PEX14: variants seen among roughly 807,000 people sequenced by gnomAD.
PEX14 encodes peroxisomal membrane protein PEX14.
A neutral mutation model predicts 49.5 loss-of-function variants in PEX14; 15 were observed. The observed-to-expected ratio is 0.30, with a 90% CI of 0.20 to 0.47. The LOEUF (loss-of-function observed/expected upper bound fraction) is 0.47. Among genes scored for constraint, PEX14 ranks in the 20% least tolerant of loss-of-function variants. PEX14 has a pLI of 1.00. For missense variants in PEX14, 398 were observed against 494.8 expected, an observed-to-expected ratio of 0.80 and a Z score of 1.86; for synonymous variants, 210 against 212.7, an observed-to-expected ratio of 0.99 and a Z score of 0.11.
chr1:10,593,822 A>G (rs1265951224), intron 3 of PEX14, among the ~76,000 whole-genome samples: 1 of 152,200 alleles, frequency 6.6e-6, no homozygotes, highest in African/African-American at 2.4e-5. Context: ...GTTGGCTTAA[A>G]TTTGCAGTTT....
intron 1 of PEX14, among the ~76,000 whole-genome samples, chr1:10,487,611 A>G (rs752085714): frequency 1.5e-4 from 23 of 149,654 alleles, no homozygotes; most frequent in Non-Finnish European, 3.3e-4. Flanking sequence ...CAGCCTCCCA[A>G]GTATCTGGGA....
chr1:10,537,699 C>T (rs1255938788), intron 3 of PEX14, among the ~76,000 whole-genome samples: 1 of 152,148 alleles, frequency 6.6e-6, no homozygotes, highest in Non-Finnish European at 1.5e-5. Flanking sequence ...GTTAGAATTT[C>T]ATTTGCAGAA....
chr1:10,504,075 T>C (rs905123589), intron 2 of PEX14, among the ~76,000 whole-genome samples: 2 of 152,160 alleles, frequency 1.3e-5, no homozygotes, highest in East Asian at 3.8e-4. Context: ...TTTAGCTCAT[T>C]GTCAAACCAC....
intron 3 of PEX14, among the ~76,000 whole-genome samples, chr1:10,537,483 A>G (rs1348400193): frequency 2.0e-5 from 3 of 152,126 alleles, no homozygotes; most frequent in Non-Finnish European, 4.4e-5. Flanking sequence ...ATAAAAGCTT[A>G]GGGATTTCAG....
At chr1:10,546,549 G>C (rs1639177334) in intron 3 of PEX14, among the ~76,000 whole-genome samples, 1 of 128,382 alleles carries the variant, frequency 7.8e-6, no homozygotes. Flanking sequence ...GGGTGACAGA[G>C]CGAGACTCTG....
At chr1:10,481,117 CTT>C (rs577625301) in intron 1 of PEX14, among the ~76,000 whole-genome samples, 4 of 141,344 alleles carry the variant, frequency 2.8e-5, no homozygotes, top group African/African-American at 5.2e-5. Flanking sequence ...TCTCTTTAGT[CTT>C]TTTTTTTTTT....
At chr1:10,475,094 G>A in intron 1 of PEX14, 92 bp downstream of exon 1, 1 of 1,288,514 alleles carries the variant, frequency 7.8e-7, no homozygotes, top group Non-Finnish European at 1.1e-6. Flanking sequence ...GGGACCCCGA[G>A]TCTCCGAAGC....
chr1:10,628,225 G>T lies in PEX14; in HGVS notation c.677+862G>T, dbSNP rs550894018. On this transcript the variant is annotated intron_variant, in intron 8 of 8. Coordinates refer to ENST00000356607, the MANE Select transcript of PEX14 (RefSeq NM_004565.3). The surrounding 1 kb of genome is among the most constrained non-coding windows in gnomAD (Gnocchi z 4.5). ...TGGGATTACAGGTGTGAGCCACTGT[G>T]CCTGGACTGTTCTGGTTTTTTAAAA... Among the ~76,000 whole-genome samples the T allele has an allele frequency of 1.3e-5, 2 of 152,244 alleles. No individual in the cohort carries two copies. Among genetic ancestry groups the T allele is most frequent in the African/African-American group, 4.8e-5 (2 of 41,458 alleles).
At chr1:10,565,712 T>C (rs1034526038) in intron 3 of PEX14, among the ~76,000 whole-genome samples, 2 of 152,250 alleles carry the variant, frequency 1.3e-5, no homozygotes, top group Non-Finnish European at 2.9e-5. Context: ...AGCTCTAGCC[T>C]TACTCAATTT....
At chr1:10,625,826 C>T (rs904311125) in intron 7 of PEX14, among the ~76,000 whole-genome samples, 5 of 152,238 alleles carry the variant, frequency 3.3e-5, no homozygotes, top group Non-Finnish European at 7.3e-5. Flanking sequence ...CAGTGGGGGC[C>T]CGGGATGTGC....
Position 10,512,106 on chromosome 1 carries a change from C to T in PEX14, c.84+16785C>T, listed in dbSNP as rs1641895068. 6.6e-6 allele frequency among the ~76,000 whole-genome samples: 1 copy of T among 152,112 alleles called. No homozygotes were observed. The highest frequency in any genetic ancestry group is 6.5e-5 in the Admixed American group (1 of 15,272). Reference sequence around the variant, plus strand: ...TCCCGAATAACTGGGACTACAGGCGCCTGCCCCCACGCTCGGCTAATTTTG... The same window carrying T: ...TCCCGAATAACTGGGACTACAGGCGTCTGCCCCCACGCTCGGCTAATTTTG... On this transcript the variant is annotated intron_variant, in intron 2 of 8. Coordinates refer to ENST00000356607, the MANE Select transcript of PEX14 (RefSeq NM_004565.3). This position sits in a 1 kb window ranked among gnomAD's most constrained non-coding sequence, Gnocchi z 4.6.
At chr1:10,599,133 C>A (rs570983675) in intron 3 of PEX14, 105 bp from the exon 4 acceptor site, 24 of 1,172,090 alleles carry the variant, frequency 2.0e-5, no homozygotes, top group Non-Finnish European at 2.3e-5. Flanking sequence ...TACTAGGATG[C>A]GAGGCATTCT....
intron 4 of PEX14, among the ~76,000 whole-genome samples, chr1:10,614,507 C>T (rs930132125): frequency 6.6e-6 from 1 of 152,148 alleles, no homozygotes; most frequent in Admixed American, 6.5e-5. Flanking sequence ...TCCTGGTCCT[C>T]AACCCACACA....
Position 10,627,332 on chromosome 1 carries a change from A to C in PEX14, c.646A>C (p.Ile216Leu), listed in dbSNP as rs898010278. 2.5e-6 allele frequency: 4 copies of C among 1,612,966 alleles called. No individual in the cohort carries two copies. The highest frequency in any genetic ancestry group is 1.3e-5 in the African/African-American group (1 of 74,938). The change falls in exon 8 of 9, where the codon ATT (isoleucine) becomes CTT (leucine). Residue 216 changes from isoleucine to leucine, a missense_variant. Physicochemically the swap from Ile to Leu is conservative, Grantham distance 5. Transcript: ENST00000356607. ...SQNINELKSEINSLKGLLLNR... is the reference protein window; with the variant it reads ...SQNINELKSELNSLKGLLLNR... ...GAATATCAACGAACTCAAGTCCGAA[A>C]TTAACTCCTTGAAAGGGCTTCTTTT...
At chr1:10,609,835 A>C (rs1158821784) in intron 4 of PEX14, among the ~76,000 whole-genome samples, 1 of 152,118 alleles carries the variant, frequency 6.6e-6, no homozygotes, top group Admixed American at 6.5e-5. Context: ...CAGTGAGTTG[A>C]GATTGCACCA....
chr1:10,476,124 A>G (rs994811039), intron 1 of PEX14, among the ~76,000 whole-genome samples: 1 of 152,178 alleles, frequency 6.6e-6, no homozygotes, highest in Non-Finnish European at 1.5e-5. Context: ...TCAGCAACTT[A>G]CTAGTATTTC....
At chr1:10,543,974 A>C (rs1639096319) in intron 3 of PEX14, among the ~76,000 whole-genome samples, 2 of 152,328 alleles carry the variant, frequency 1.3e-5, no homozygotes, top group Middle Eastern at 3.4e-3. Flanking sequence ...GCCTGGCAAT[A>C]ATAAGACCAG....
intron 2 of PEX14, among the ~76,000 whole-genome samples, chr1:10,515,087 C>A (rs1046794692): frequency 3.3e-5 from 5 of 152,206 alleles, no homozygotes; most frequent in Non-Finnish European, 7.3e-5. Context: ...GGCTCTCCAG[C>A]AGCATGGATC....
chr1:10,508,209 T>G (rs1254029733), intron 2 of PEX14, among the ~76,000 whole-genome samples: 1 of 152,034 alleles, frequency 6.6e-6, no homozygotes, highest in African/African-American at 2.4e-5. Flanking sequence ...TTGTTTTTTG[T>G]TTTTGTTTTT....
Sources: allele counts gnomAD v4.1 joint callset (sites outside exome capture counted in the v4.1 genomes callset), GRCh38; gene constraint gnomAD v4.1.1; non-coding constraint Gnocchi (gnomAD v3.1); transcripts MANE v1.5; gene names NCBI Gene and HGNC (gene_info 2026-07-23, HGNC 2026-07-21).